DENND4A: variants seen among roughly 807,000 people sequenced by gnomAD.
DENND4A encodes the protein DENN domain containing 4A.
In DENND4A, 70 loss-of-function variants were observed where a neutral mutation model predicts 199.3. That is an observed-to-expected ratio of 0.35 (90% confidence interval 0.29 to 0.43). The LOEUF (loss-of-function observed/expected upper bound fraction) is 0.43. DENND4A is among the 20% of genes least tolerant of loss of function. The pLI, the probability that DENND4A is intolerant of heterozygous loss-of-function variation, is 1.00. For missense variants in DENND4A, 1,723 were observed against 2,255.8 expected, an observed-to-expected ratio of 0.76 and a Z score of 4.78; for synonymous variants, 686 against 766.9, an observed-to-expected ratio of 0.89 and a Z score of 1.74.
intron 23 of DENND4A, among the ~76,000 whole-genome samples, chr15:65,682,330 A>G (rs1274240697): frequency 6.6e-6 from 1 of 152,042 alleles, no homozygotes; most frequent in East Asian, 1.9e-4. Context: ...CATCTTCTAT[A>G]TTAGCACTTG....
chr15:65,771,059 T>C, intron 1 of DENND4A: 3 of 1,022,464 alleles, frequency 2.9e-6, no homozygotes, highest in Non-Finnish European at 4.2e-6. Flanking sequence ...AGGAACCAAC[T>C]ATTCAGTTTA....
At chr15:65,700,932 C>A in intron 19 of DENND4A, 119 bp downstream of exon 19, 1 of 1,190,694 alleles carries the variant, frequency 8.4e-7, no homozygotes, top group South Asian at 1.6e-5. Context: ...ATATAATTTG[C>A]TTAATAAAAC....
rs747346491 is a variant in DENND4A at position 65,671,816 on chromosome 15, A to G, written c.4440T>C (p.Asn1480=). ...CCTCCATTGCATAGTTCTGGAAGATATTTGTATTACTCGCGTTGAAGGAAG... is the reference window on the plus strand; with the variant it reads ...CCTCCATTGCATAGTTCTGGAAGATGTTTGTATTACTCGCGTTGAAGGAAG... ...VTSSFNASNT[N]IFQNYAMEVL... is the part of the protein sequence containing the mutation. Residue 1480 remains asparagine (N), a synonymous_variant, in exon 25 of 33, where the codon AAT becomes AAC. Coordinates refer to ENST00000443035, the MANE Select transcript of DENND4A (RefSeq NM_001320835.1). 76 of 1,610,518 alleles carry G rather than the reference A, an allele frequency of 4.7e-5. No individual in the cohort carries two copies. In the South Asian group the frequency reaches 5.1e-4, roughly 11 times the overall value.
At chr15:65,735,370 T>C (rs911453810) in intron 7 of DENND4A, among the ~76,000 whole-genome samples, 1 of 152,130 alleles carries the variant, frequency 6.6e-6, no homozygotes, top group South Asian at 2.1e-4. Context: ...AGAACCAGAC[T>C]CTGTGTCAAA....
At chr15:65,701,937 T>C in intron 17 of DENND4A, 47 bp from the exon 18 acceptor site, 1 of 1,608,444 alleles carries the variant, frequency 6.2e-7, no homozygotes, top group Non-Finnish European at 8.5e-7. Flanking sequence ...TGTCACCATG[T>C]ACATAAATCT....
intron 1 of DENND4A, among the ~76,000 whole-genome samples, chr15:65,770,622 T>C (rs1290664683): frequency 2.0e-5 from 3 of 152,208 alleles, no homozygotes; most frequent in African/African-American, 7.2e-5. Context: ...AAGCTGATAA[T>C]ACTATAAGAT....
intron 32 of DENND4A, 145 bp from the exon 33 acceptor site, chr15:65,662,132 C>A: frequency 1.5e-6 from 1 of 686,038 alleles, no homozygotes; most frequent in Non-Finnish European, 2.4e-6. Context: ...AGGACCACAG[C>A]TGGATTGCAC....
chr15:65,732,826 A>G lies in DENND4A; in HGVS notation c.1041-8T>C. The G allele has an allele frequency of 1.3e-6, 2 of 1,557,708 alleles. No homozygotes were observed. The highest frequency in any genetic ancestry group is 1.8e-6 in the Non-Finnish European group (2 of 1,131,994). ...ATAAAATGAGAAATATGCCTTGAAAACAAACAAAAGTGTAAGTGATTCCAA... is the reference window on the plus strand; with the variant it reads ...ATAAAATGAGAAATATGCCTTGAAAGCAAACAAAAGTGTAAGTGATTCCAA... On this transcript the variant is annotated splice_polypyrimidine_tract_variant and splice_region_variant and intron_variant, in intron 7 of 32. Coordinates refer to ENST00000443035, the MANE Select transcript of DENND4A (RefSeq NM_001320835.1).
chr15:65,775,369 G>A (rs1422312169), intron 1 of DENND4A, among the ~76,000 whole-genome samples: 2 of 146,694 alleles, frequency 1.4e-5, no homozygotes, highest in Non-Finnish European at 3.0e-5. Flanking sequence ...AAGAAGTCAC[G>A]GTGGCTCACG....
intron 4 of DENND4A, among the ~76,000 whole-genome samples, chr15:65,749,459 T>C (rs1444003497): frequency 6.6e-6 from 1 of 152,302 alleles, no homozygotes; most frequent in Non-Finnish European, 1.5e-5. Context: ...TGTAACTTGT[T>C]TTATAGAAGA....
At chr15:65,752,307 AAAAAAAGATG>A in intron 4 of DENND4A, 62 bp downstream of exon 4, 17 of 710,336 alleles carry the variant, frequency 2.4e-5, no homozygotes, top group East Asian at 1.1e-4. Flanking sequence ...AAAAAAAAAA[AAAAAAAGATG>A]TATTTAAAAT....
rs72498783 is a variant in DENND4A, at chr15:65,720,947, T to TTATATATATATATATATATATATA, written c.1588+1877_1588+1900dup. On this transcript the variant is annotated intron_variant, in intron 12 of 32. Transcript: ENST00000443035. ...AAAGTTGAATGGGCTGTTTCATTGA[T>TTATATATATATATATATATATATA]TATATATATATATATATATATATAT... Among the ~76,000 whole-genome samples, 554 of 75,790 alleles carry TTATATATATATATATATATATATA rather than the reference T, an allele frequency of 7.3e-3. 20 individuals are homozygous for TTATATATATATATATATATATATA. The highest frequency in any genetic ancestry group is 0.026 in the Middle Eastern group (3 of 114). The allele number at this position is 75,790 out of a possible 152,430, so 49.7% of individuals were successfully genotyped here.
Position 65,690,431 on chromosome 15 carries a change from T to C in DENND4A, c.4163A>G (p.Tyr1388Cys). 6.3e-7 allele frequency: 1 copy of C among 1,590,066 alleles called. No individual in the cohort carries two copies. The highest frequency in any genetic ancestry group is 2.2e-5 in the East Asian group (1 of 44,698). ...ASKWYSRFTM[Y>C]TTSSKDQSSD... is the part of the protein sequence containing the mutation. ...CAAACTTACCTTAGATGATGTGGTG[T>C]ACATGGTGAATCTTGAATACCATTT... Residue 1388 changes from tyrosine to cysteine, a missense_variant, in exon 23 of 33, where the codon TAC becomes TGC. By Grantham distance (194) the Tyr-to-Cys change is radical. Around this residue, in one of 6 missense-constraint regions of DENND4A, gnomAD observed 650 missense variants for 738.1 expected, o/e 0.88. Coordinates refer to ENST00000443035, the MANE Select transcript of DENND4A (RefSeq NM_001320835.1).
In DENND4A at chr15:65,706,102, A is replaced by C; in HGVS notation, c.2076T>G (p.Pro692=). Residue 692 remains proline, a synonymous_variant, in exon 15 of 33, where the codon CCT becomes CCG. Transcript: ENST00000443035. Reference sequence around the variant, plus strand: ...TGCCTCTTGAATACCTGTACTGTAAAGGGGGTTCTTCACCATTGGGTAGGT... The same window carrying C: ...TGCCTCTTGAATACCTGTACTGTAACGGGGGTTCTTCACCATTGGGTAGGT... ...IPHLPNGEEP[P]LQYSYNGFPV... 1.9e-6 allele frequency: 3 copies of C among 1,598,966 alleles called. No homozygotes were observed. Among genetic ancestry groups the C allele is most frequent in the Non-Finnish European group, 1.7e-6 (2 of 1,173,312 alleles).
intron 7 of DENND4A, among the ~76,000 whole-genome samples, chr15:65,736,904 A>G (rs950551081): frequency 1.3e-5 from 2 of 152,198 alleles, no homozygotes; most frequent in Admixed American, 6.5e-5. Flanking sequence ...TAGTTTTGGA[A>G]AAGTTATTTT....
Position 65,667,786 on chromosome 15 carries a change from G to A in DENND4A, c.4987-83C>T, listed in dbSNP as rs561615981. ...AAATTCAATGATTCCCATATGAGTAGAAAAGTAATATAATTGTATCATGGG... is the reference window on the plus strand; with the variant it reads ...AAATTCAATGATTCCCATATGAGTAAAAAAGTAATATAATTGTATCATGGG... On this transcript the variant is annotated intron_variant, in intron 28 of 32. Coordinates refer to ENST00000443035, the MANE Select transcript of DENND4A (RefSeq NM_001320835.1). The A allele has an allele frequency of 2.1e-5, 32 of 1,501,520 alleles. No homozygotes were observed. The African/African-American group carries it at 4.2e-4, about 20-fold the overall frequency. 93.0% of individuals were successfully genotyped at this position (1,501,520 alleles called of 1,614,324 possible).
intron 20 of DENND4A, among the ~76,000 whole-genome samples, chr15:65,698,811 C>T (rs1031076713): frequency 7.3e-6 from 1 of 137,368 alleles, no homozygotes; most frequent in Non-Finnish European, 1.5e-5. Flanking sequence ...GATCTTGGCT[C>T]ACTGCAACCT....
At chr15:65,700,998 C>G in intron 19 of DENND4A, 53 bp downstream of exon 19, 2 of 1,529,438 alleles carry the variant, frequency 1.3e-6, no homozygotes, top group Non-Finnish European at 1.8e-6. Flanking sequence ...AAAATGTAAA[C>G]TGTAGCTAAT....
chr15:65,752,127 C>CG (rs11430669), intron 4 of DENND4A, among the ~76,000 whole-genome samples: 30,626 of 50,728 alleles, frequency 0.6, 7,128 homozygotes, highest in East Asian at 0.81. Flanking sequence ...TTGTAGTGGG[C>CG]GGGGGGGGTG....
Sources: gnomAD v4.1 joint callset for allele counts (sites outside exome capture counted in the v4.1 genomes callset) on GRCh38, gnomAD v4.1.1 for gene constraint, gnomAD v4.1.1 regional missense constraint, MANE v1.5 for transcripts, NCBI Gene and HGNC (gene_info 2026-07-23, HGNC 2026-07-21) for gene names.